Variants in TRPC5 observed in about 807,000 individuals in gnomAD.
TRPC5 encodes transient receptor potential cation channel subfamily C member 5.
TRPC5 carries 9 observed loss-of-function variants against 56.5 expected under a neutral mutation model. The observed-to-expected ratio is 0.16, with a 90% CI of 0.10 to 0.28. The LOEUF is 0.28. TRPC5 is among the 10% of genes least tolerant of loss of function. TRPC5 has a pLI of 1.00. For missense variants in TRPC5, 469 were observed against 748.9 expected (o/e 0.63, Z 4.36); for synonymous variants, 282 against 278.5 (o/e 1.01, Z -0.13).
chrX:112,030,662 TC>T (rs1929563947), intron 1 of TRPC5, among the ~76,000 whole-genome samples: 1 of 112,277 alleles, frequency 8.9e-6, no homozygotes, highest in South Asian at 3.7e-4. Flanking sequence ...TCTGCTTCTA[TC>T]CTTTCACACA....
At chrX:111,953,547 G>A (rs1031430147) in intron 1 of TRPC5, among the ~76,000 whole-genome samples, 39 of 111,871 alleles carry the variant, frequency 3.5e-4, no homozygotes, top group African/African-American at 1.2e-3. Flanking sequence ...GGGAGAAAAT[G>A]AGGCTCAGAT....
intron 1 of TRPC5, among the ~76,000 whole-genome samples, chrX:112,010,189 C>T (rs963529975): frequency 9.0e-5 from 10 of 111,673 alleles, no homozygotes; most frequent in African/African-American, 3.3e-4. Context: ...TTAGACATGC[C>T]ATTTAGCATC....
At position 111,773,071 on chromosome X, in the gene TRPC5, T is replaced by C. The variant is rs1945852550; in HGVS notation, c.*3242A>G. ...TTTAATCAAATTGCAGACAGGTATT[T>C]ACGACTTAGCTGAAATAGCCTAAGT... On this transcript the variant is annotated 3_prime_UTR_variant, in exon 11 of 11. Transcript: ENST00000262839. 1.8e-5 allele frequency among the ~76,000 whole-genome samples: 2 copies of C among 112,219 alleles called. No homozygotes were observed. Among genetic ancestry groups the C allele is most frequent in the African/African-American group, 6.5e-5 (2 of 30,954 alleles).
chrX:111,828,189 G>T (rs1229688856), intron 7 of TRPC5, among the ~76,000 whole-genome samples: 2 of 111,947 alleles, frequency 1.8e-5, no homozygotes, highest in Admixed American at 9.5e-5. Flanking sequence ...AATCTTCCTT[G>T]TGCTTCAGAT....
At chrX:112,028,724 C>T (rs1310449368) in intron 1 of TRPC5, among the ~76,000 whole-genome samples, 9 of 112,019 alleles carry the variant, frequency 8.0e-5, no homozygotes, top group African/African-American at 2.9e-4. Context: ...TGAATAGTGC[C>T]ACAATAAACA....
chrX:111,843,751 C>T (rs1378224829), intron 6 of TRPC5, among the ~76,000 whole-genome samples: 1 of 110,314 alleles, frequency 9.1e-6, no homozygotes, highest in Non-Finnish European at 1.9e-5. Flanking sequence ...AAGAAACTTC[C>T]GCACAGCAAG....
chrX:111,852,354 C>A lies in TRPC5; in HGVS notation c.1321G>T (p.Ala441Ser). The change falls in exon 5 of 11, where the codon GCA (alanine) becomes TCA (serine). Residue 441 changes from alanine (A) to serine (S), a missense_variant. Ala to Ser is a moderately conservative substitution (Grantham distance 99). Coordinates refer to ENST00000262839, the MANE Select transcript of TRPC5 (RefSeq NM_012471.3). Reference protein sequence around the residue: ...IHDWWNLMDFAMNSLYLATIS... With the variant: ...IHDWWNLMDFSMNSLYLATIS... Reference sequence around the variant, plus strand: ...GTTGCCAGGTAGAGGGAGTTCATTGCAAAATCCATCAGGTTCCACCAGTCA... The same window carrying A: ...GTTGCCAGGTAGAGGGAGTTCATTGAAAAATCCATCAGGTTCCACCAGTCA... 8.3e-7 allele frequency: 1 copy of A among 1,209,638 alleles called. No individual in the cohort carries two copies. The highest frequency in any genetic ancestry group is 1.1e-6 in the Non-Finnish European group (1 of 893,762).
At chrX:111,812,170 A>G (rs778616773) in intron 7 of TRPC5, among the ~76,000 whole-genome samples, 11 of 110,787 alleles carry the variant, frequency 9.9e-5, no homozygotes, top group Middle Eastern at 4.7e-3. Flanking sequence ...GGTATTTTAA[A>G]CAATAAGCAG....
chrX:112,019,066 T>A (rs1929200446), intron 1 of TRPC5, among the ~76,000 whole-genome samples: 1 of 112,656 alleles, frequency 8.9e-6, no homozygotes, highest in Non-Finnish European at 1.9e-5. Context: ...CCCATCTAGA[T>A]AATCATACCA....
intron 1 of TRPC5, among the ~76,000 whole-genome samples, chrX:112,043,553 C>T (rs1271436860): frequency 9.2e-6 from 1 of 108,755 alleles, no homozygotes; most frequent in Non-Finnish European, 1.9e-5. Flanking sequence ...AGCGTGAAAA[C>T]TTACTTCATT....
chrX:111,874,840 G>C (rs749072897), intron 3 of TRPC5, among the ~76,000 whole-genome samples: 1 of 112,560 alleles, frequency 8.9e-6, no homozygotes, highest in African/African-American at 3.2e-5. Context: ...ATTACCTGTG[G>C]TTGCTTTTAT....
At chrX:112,025,399 A>AT (rs1388756701) in intron 1 of TRPC5, among the ~76,000 whole-genome samples, 2 of 112,366 alleles carry the variant, frequency 1.8e-5, no homozygotes, top group African/African-American at 6.5e-5. Context: ...CATTCTGAAA[A>AT]GATCAGTAGC....
chrX:111,954,507 G>T (rs1337361359), intron 1 of TRPC5, among the ~76,000 whole-genome samples: 2 of 111,860 alleles, frequency 1.8e-5, no homozygotes, highest in Non-Finnish European at 3.8e-5. Context: ...GCCTAGTTGG[G>T]TGATGGGTTG....
chrX:111,823,884 G>A lies in TRPC5; in HGVS notation c.1896+11037C>T, dbSNP rs192430682. On this transcript the variant is annotated intron_variant, in intron 7 of 10. Transcript: ENST00000262839. ...GCCTGGGGGCTTGAGATGCTGGCAG[G>A]AAAAGAGGAAGTGAGATATCTTTGT... Among the ~76,000 whole-genome samples the A allele has an allele frequency of 8.1e-3, 895 of 110,687 alleles. 6 individuals carry two copies. Among genetic ancestry groups the A allele is most frequent in the African/African-American group, 0.028 (854 of 30,384 alleles).
chrX:111,858,387 T>C (rs941550004), intron 3 of TRPC5, among the ~76,000 whole-genome samples: 1 of 111,340 alleles, frequency 9.0e-6, no homozygotes, highest in African/African-American at 3.3e-5. Context: ...TTGTAGTTTT[T>C]GTTGTTGTTG....
chrX:112,045,873 G>A (rs1192811513), intron 1 of TRPC5, among the ~76,000 whole-genome samples: 2 of 111,410 alleles, frequency 1.8e-5, no homozygotes, highest in African/African-American at 3.3e-5. Flanking sequence ...GGCTTTCCAG[G>A]GGTTAATATC....
chrX:111,789,942 C>T (rs776931287), intron 7 of TRPC5, among the ~76,000 whole-genome samples: 32 of 111,972 alleles, frequency 2.9e-4, no homozygotes, highest in African/African-American at 9.4e-4. Flanking sequence ...GAAATAGGAA[C>T]ACTTTTACAC....
chrX:111,925,712 G>C (rs1046983511), intron 2 of TRPC5, among the ~76,000 whole-genome samples: 1 of 111,864 alleles, frequency 8.9e-6, no homozygotes, highest in Non-Finnish European at 1.9e-5. Context: ...TCCTAATATG[G>C]AGGGGAACAA....
At chrX:111,786,571 C>A in intron 7 of TRPC5, among the ~76,000 whole-genome samples, 1 of 110,839 alleles carries the variant, frequency 9.0e-6, no homozygotes, top group Non-Finnish European at 1.9e-5. Context: ...AAAATATTAA[C>A]CTTAAATGTA....
Sources: allele counts gnomAD v4.1 joint callset (sites outside exome capture counted in the v4.1 genomes callset), GRCh38; gene constraint gnomAD v4.1.1; transcripts MANE v1.5; gene names NCBI Gene and HGNC (gene_info 2026-07-23, HGNC 2026-07-21).